Variants in LRCH1 observed in about 807,000 individuals in gnomAD.
LRCH1 encodes the protein leucine rich repeats and calponin homology domain containing 1.
LRCH1 carries 23 observed loss-of-function variants against 94.9 expected under a neutral mutation model. The observed-to-expected ratio is 0.24, with a 90% CI of 0.17 to 0.34. The LOEUF (loss-of-function observed/expected upper bound fraction) is 0.34. Ranked by LOEUF, LRCH1 falls within the 10% of genes least tolerant of loss-of-function variation. The pLI, the probability that LRCH1 is intolerant of heterozygous loss-of-function variation, is 1.00. For synonymous variants in LRCH1, 364 were observed against 354.9 expected, an observed-to-expected ratio of 1.03 and a Z score of -0.29; for missense variants, 790 against 945.9, an observed-to-expected ratio of 0.84 and a Z score of 2.16.
intron 1 of LRCH1, among the ~76,000 whole-genome samples, chr13:46,562,598 C>T (rs575199429): frequency 5.3e-5 from 8 of 152,340 alleles, no homozygotes; most frequent in African/African-American, 1.9e-4. Flanking sequence ...TTCTGAGGTG[C>T]TAGGGGTTAG....
Position 46,712,519 on chromosome 13 carries a change from C to T in LRCH1, c.1582-6C>T. On this transcript the variant is annotated splice_region_variant and splice_polypyrimidine_tract_variant and intron_variant, in intron 14 of 19. Coordinates refer to ENST00000389797, the MANE Select transcript of LRCH1 (RefSeq NM_001164211.2). The stretch of plus-strand genomic sequence containing the variant: ...TTCCTAATTTCCTTTCCTTCCAACA[C>T]CACAGATTAGAGAGAACTCCCCTGC... 1 of 1,610,278 alleles carries T rather than the reference C, an allele frequency of 6.2e-7. No individual in the cohort carries two copies. Among genetic ancestry groups the T allele is most frequent in the Non-Finnish European group, 8.5e-7 (1 of 1,176,752 alleles).
chr13:46,656,073 T>C (rs1194308858), intron 2 of LRCH1, among the ~76,000 whole-genome samples: 3 of 152,238 alleles, frequency 2.0e-5, no homozygotes, highest in Admixed American at 1.3e-4. Flanking sequence ...TGCTGAACAA[T>C]GTGCAGAAAG....
chr13:46,710,493 A>G (rs1872002780), intron 13 of LRCH1, among the ~76,000 whole-genome samples: 1 of 152,198 alleles, frequency 6.6e-6, no homozygotes, highest in African/African-American at 2.4e-5. Flanking sequence ...TGCAGGAAGA[A>G]TTGCAAATTG....
In LRCH1 at chr13:46,705,131, C is replaced by T. The variant is rs1871686427; in HGVS notation, c.1464C>T (p.Ala488=). 1 of 1,609,350 alleles carries T rather than the reference C, an allele frequency of 6.2e-7. No individual in the cohort carries two copies. The highest frequency in any genetic ancestry group is 1.1e-5 in the South Asian group (1 of 89,748). The change falls in exon 12 of 20, where the codon GCC becomes GCT. Residue 488 remains alanine, a synonymous_variant. Transcript: ENST00000389797. ...TATATCCTATGGGATCAGCAGAAGC[C>T]TTAGAATTACAAGATTCTGCACTGA... ...LNLYPMGSAE[A]LELQDSALNG... is the part of the protein sequence containing the mutation.
chr13:46,750,606 C>G (rs1448097933), exon 19 of LRCH1: 6 of 1,552,016 alleles, frequency 3.9e-6, no homozygotes, highest in Non-Finnish European at 5.2e-6. Flanking sequence ...CATTACCATT[C>G]AAGCATTACT....
chr13:46,702,019 G>A (rs1222666120), intron 11 of LRCH1, among the ~76,000 whole-genome samples: 4 of 152,284 alleles, frequency 2.6e-5, no homozygotes, highest in Non-Finnish European at 4.4e-5. Context: ...GAATAGTGGC[G>A]GATCAGTTTA....
rs140942152 is a variant in LRCH1 at position 46,681,013 on chromosome 13, C to T, written c.580-728C>T. 2.2e-3 allele frequency among the ~76,000 whole-genome samples: 333 copies of T among 152,232 alleles called. 1 individual carries two copies. Among genetic ancestry groups the T allele is most frequent in the African/African-American group, 7.9e-3 (326 of 41,526 alleles). On this transcript the variant is annotated intron_variant, in intron 3 of 19. Coordinates refer to ENST00000389797, the MANE Select transcript of LRCH1 (RefSeq NM_001164211.2). Reference sequence around the variant, plus strand: ...GAGGAAGAGTGGGATTCAGGGAGATCCTAAGGATATAGAAGATTATAAATG... The same window carrying T: ...GAGGAAGAGTGGGATTCAGGGAGATTCTAAGGATATAGAAGATTATAAATG...
chr13:46,606,720 G>C, intron 1 of LRCH1, among the ~76,000 whole-genome samples: 1 of 151,968 alleles, frequency 6.6e-6, no homozygotes, highest in South Asian at 2.1e-4. Flanking sequence ...TACAGGCGTG[G>C]GCCACTACGC....
At chr13:46,633,073 C>CT in intron 1 of LRCH1, among the ~76,000 whole-genome samples, 1 of 152,330 alleles carries the variant, frequency 6.6e-6, no homozygotes, top group East Asian at 1.9e-4. Context: ...GTGGAATATA[C>CT]TATATTCAGC....
chr13:46,656,214 T>C (rs1593328702), intron 2 of LRCH1, among the ~76,000 whole-genome samples: 1 of 152,362 alleles, frequency 6.6e-6, no homozygotes, highest in East Asian at 1.9e-4. Flanking sequence ...CTTTATACTT[T>C]TTTTGTTGTG....
At position 46,744,399 on chromosome 13, in the gene LRCH1, CT is replaced by C; in HGVS notation, c.*2552del. On this transcript the variant is annotated 3_prime_UTR_variant, in exon 20 of 20. Coordinates refer to ENST00000389797, the MANE Select transcript of LRCH1 (RefSeq NM_001164211.2). ...TATTCTCTTTCTCCAGTTTCTCCAA[CT>C]GGTGGCAACTCTCCACTCAGTGTCA... is the stretch of plus-strand genomic sequence containing the variant. 1 of 985,342 alleles carries C rather than the reference CT, an allele frequency of 1.0e-6. No individual in the cohort carries two copies. The highest frequency in any genetic ancestry group is 1.2e-6 in the Non-Finnish European group (1 of 829,926). 61.0% of individuals were successfully genotyped at this position (985,342 alleles called of 1,614,324 possible).
intron 2 of LRCH1, among the ~76,000 whole-genome samples, chr13:46,667,709 T>C (rs2138114120): frequency 6.6e-6 from 1 of 152,282 alleles, no homozygotes; most frequent in South Asian, 2.1e-4. Context: ...TAAAGAATTT[T>C]CACAAATAGG....
At chr13:46,641,183 A>T (rs938124197) in intron 1 of LRCH1, among the ~76,000 whole-genome samples, 1 of 152,084 alleles carries the variant, frequency 6.6e-6, no homozygotes, top group African/African-American at 2.4e-5. Flanking sequence ...GACATTGCGG[A>T]GCTGAGAGAG....
intron 11 of LRCH1, among the ~76,000 whole-genome samples, chr13:46,702,251 C>T (rs1871518363): frequency 6.6e-6 from 1 of 152,120 alleles, no homozygotes; most frequent in Admixed American, 6.6e-5. Flanking sequence ...CCTGTGATCC[C>T]AGCACTTTGG....
chr13:46,738,285 C>T (rs1023830172), intron 19 of LRCH1, among the ~76,000 whole-genome samples: 7 of 152,202 alleles, frequency 4.6e-5, no homozygotes, highest in African/African-American at 1.7e-4. Context: ...CATCCTTGAG[C>T]TTCTGCATCA....
chr13:46,682,767 C>T (rs1870395044), intron 4 of LRCH1, among the ~76,000 whole-genome samples: 1 of 152,224 alleles, frequency 6.6e-6, no homozygotes, highest in Non-Finnish European at 1.5e-5. Flanking sequence ...CCCAACCATC[C>T]AGCATGAATG....
intron 9 of LRCH1, among the ~76,000 whole-genome samples, chr13:46,695,649 A>G (rs1467826246): frequency 6.6e-6 from 1 of 152,212 alleles, no homozygotes; most frequent in Non-Finnish European, 1.5e-5. Context: ...CTTTTGGTTC[A>G]GGTTGTGGTG....
intron 1 of LRCH1, among the ~76,000 whole-genome samples, chr13:46,603,548 C>G (rs533327248): frequency 1.1e-3 from 162 of 152,296 alleles, no homozygotes; most frequent in African/African-American, 3.8e-3. Flanking sequence ...AATTTCAAGA[C>G]TCCTGCTACC....
At chr13:46,676,007 G>C (rs543744494) in intron 3 of LRCH1, among the ~76,000 whole-genome samples, 1 of 152,170 alleles carries the variant, frequency 6.6e-6, no homozygotes, top group Non-Finnish European at 1.5e-5. Context: ...GGCCGGGTGC[G>C]GTGGCTCATG....
Sources: gnomAD v4.1 joint callset for allele counts (sites outside exome capture counted in the v4.1 genomes callset) on GRCh38, gnomAD v4.1.1 for gene constraint, MANE v1.5 for transcripts, NCBI Gene and HGNC (gene_info 2026-07-23, HGNC 2026-07-21) for gene names.